GAL3ST4: variants seen among roughly 807,000 people sequenced by gnomAD.
GAL3ST4 encodes galactose-3-O-sulfotransferase 4, also known as beta-galactose-3-O-sulfotransferase 4.
A neutral mutation model predicts 31.6 loss-of-function variants in GAL3ST4; 30 were observed. That is an observed-to-expected ratio of 0.95 (90% CI 0.71 to 1.29). The LOEUF is 1.29. Among genes scored for constraint, GAL3ST4 ranks in the 50% most tolerant of loss-of-function variants. The probability of loss-of-function intolerance (pLI) is 0.00; values close to 1 mark genes in which losing one functional copy is unlikely to be tolerated. For synonymous variants in GAL3ST4, 248 were observed against 256.9 expected, an observed-to-expected ratio of 0.97 and a Z score of 0.33; for missense variants, 629 against 625.2, an observed-to-expected ratio of 1.01 and a Z score of -0.06.
rs116867043 is a variant in GAL3ST4, at chr7:100,166,573, G to C, written c.358C>G (p.Arg120Gly). Residue 120 changes from arginine (R) to glycine (G), a missense_variant, in exon 3 of 4, where the codon CGC becomes GGC. Transcript: ENST00000360039. Reference sequence around the variant, plus strand: ...AGCTGGGTGCCTCCACCCTGTGGGCGGTAGCCTTTTACCCTAGAGGCCTGG... The same window carrying C: ...AGCTGGGTGCCTCCACCCTGTGGGCCGTAGCCTTTTACCCTAGAGGCCTGG... ...LFQASRVKGYRPQGGGTQLPF... is the reference protein window; with the variant it reads ...LFQASRVKGYGPQGGGTQLPF... 2 of 1,614,184 alleles carry C rather than the reference G, an allele frequency of 1.2e-6. No homozygotes were observed. Among genetic ancestry groups the C allele is most frequent in the Admixed American group, 3.3e-5 (2 of 60,020 alleles).
intron 3 of GAL3ST4, among the ~76,000 whole-genome samples, chr7:100,162,644 G>A (rs1161706007): frequency 7.7e-6 from 1 of 129,562 alleles, no homozygotes; most frequent in African/African-American, 2.9e-5. Context: ...GAGGGAGAGG[G>A]GGAAGAGGAG....
chr7:100,164,679 C>A (rs528232243), intron 3 of GAL3ST4, among the ~76,000 whole-genome samples: 15 of 151,618 alleles, frequency 9.9e-5, no homozygotes, highest in Middle Eastern at 3.4e-3. Context: ...AAATAAAAAT[C>A]AAAATTAAAT....
chr7:100,167,362 A>C, intron 1 of GAL3ST4, 79 bp from the exon 2 acceptor site: 1 of 698,172 alleles, frequency 1.4e-6, no homozygotes, highest in Non-Finnish European at 2.2e-6. Flanking sequence ...TGCAGCTGAG[A>C]CCTCCTTCAG....
intron 3 of GAL3ST4, among the ~76,000 whole-genome samples, chr7:100,165,320 G>T (rs1039635744): frequency 1.3e-5 from 2 of 152,110 alleles, no homozygotes; most frequent in African/African-American, 4.8e-5. Flanking sequence ...ACAGGCGTGT[G>T]CCACCACGCC....
At chr7:100,163,220 G>T (rs544468687) in intron 3 of GAL3ST4, among the ~76,000 whole-genome samples, 3 of 152,168 alleles carry the variant, frequency 2.0e-5, no homozygotes, top group African/African-American at 7.2e-5. Context: ...AGCCACGGCT[G>T]CCTGGTAGGA....
At position 100,166,679 on chromosome 7, in the gene GAL3ST4, G is replaced by T; in HGVS notation, c.252C>A (p.Ser84Arg). ...THKSGSSSVL[S>R]LLHRYGDQHG... ...GCTGGTCCCCATAGCGGTGAAGCAG[G>T]CTCAGCACAGAGCTGCTCCCGGATT... The change falls in exon 3 of 4, where the codon AGC becomes AGA. Residue 84 changes from serine (S) to arginine (R), a missense_variant. By Grantham distance (110) the Ser-to-Arg change is moderately radical. Coordinates refer to ENST00000360039, the MANE Select transcript of GAL3ST4 (RefSeq NM_024637.5). 1 of 1,614,214 alleles carries T rather than the reference G, an allele frequency of 6.2e-7. No homozygotes were observed. Among genetic ancestry groups the T allele is most frequent in the Non-Finnish European group, 8.5e-7 (1 of 1,180,034 alleles).
Position 100,160,889 on chromosome 7 carries a change from G to A in GAL3ST4, c.500C>T (p.Ser167Phe). ...IVRDPAALAR[S>F]AFSYYKSTSS... is the part of the protein sequence containing the mutation. ...GGTGGATTTATAGTAGGAGAAGGCA[G>A]AGCGAGCCAGAGCCGCTGGGTCTCG... Residue 167 changes from serine to phenylalanine, a missense_variant, in exon 4 of 4, where the codon TCT becomes TTT. Physicochemically the swap from Ser to Phe is radical, Grantham distance 155. Transcript: ENST00000360039. 2 of 1,614,038 alleles carry A rather than the reference G, an allele frequency of 1.2e-6. No homozygotes were observed. Among genetic ancestry groups the A allele is most frequent in the East Asian group, 2.2e-5 (1 of 44,886 alleles).
At chr7:100,166,430 GC>G in intron 3 of GAL3ST4, 71 bp downstream of exon 3, 3 of 1,490,210 alleles carry the variant, frequency 2.0e-6, no homozygotes, top group South Asian at 1.3e-5. Context: ...CCAGGTCTGG[GC>G]CCCCTCCCTT....
intron 3 of GAL3ST4, among the ~76,000 whole-genome samples, chr7:100,163,155 A>C (rs1799028115): frequency 6.6e-6 from 1 of 152,186 alleles, no homozygotes; most frequent in Non-Finnish European, 1.5e-5. Context: ...AAAGCACTTC[A>C]GGGTCTCCTG....
In GAL3ST4 at chr7:100,159,350, C is replaced by T. The variant is rs1798956837; in HGVS notation, c.*578G>A. The T allele has an allele frequency of 6.5e-6, 1 of 152,918 alleles. No homozygotes were observed. The highest frequency in any genetic ancestry group is 2.4e-5 in the African/African-American group (1 of 41,440). 9.5% of individuals were successfully genotyped at this position (152,918 alleles called of 1,614,324 possible). ...GGACGTATCATTCCAACTCACCACG[C>T]CCCAAACTTCCTGTGGCTCACTCCA... On this transcript the variant is annotated 3_prime_UTR_variant, in exon 4 of 4. Coordinates refer to ENST00000360039, the MANE Select transcript of GAL3ST4 (RefSeq NM_024637.5).
chr7:100,166,632 G>C lies in GAL3ST4; in HGVS notation c.299C>G (p.Pro100Arg), dbSNP rs1170666208. Residue 100 changes from proline (P) to arginine (R), a missense_variant, in exon 3 of 4, where the codon CCT becomes CGT. Physicochemically the swap from Pro to Arg is moderately radical, Grantham distance 103. Coordinates refer to ENST00000360039, the MANE Select transcript of GAL3ST4 (RefSeq NM_024637.5). The part of the protein sequence containing the change: ...GDQHGLRFAL[P>R]ARYQFGYPKL... ...TGGGTAGCCAAACTGGTAGCGGGCA[G>C]GGAGGGCGAAGCGCAGCCCGTGCTG... 1.2e-6 allele frequency: 2 copies of C among 1,614,242 alleles called. No individual in the cohort carries two copies. The highest frequency in any genetic ancestry group is 1.7e-6 in the Non-Finnish European group (2 of 1,180,040).
intron 3 of GAL3ST4, among the ~76,000 whole-genome samples, chr7:100,162,810 T>C (rs929458975): frequency 1.5e-5 from 2 of 129,924 alleles, no homozygotes; most frequent in Non-Finnish European, 3.1e-5. Context: ...ATTCTGCACA[T>C]GTATCCCAGA....
intron 3 of GAL3ST4, among the ~76,000 whole-genome samples, chr7:100,163,941 G>A (rs201652292): frequency 2.6e-5 from 4 of 152,132 alleles, no homozygotes; most frequent in East Asian, 1.9e-4. Context: ...GACTTTGGGC[G>A]GGTTATTGAA....
chr7:100,167,125 A>G lies in GAL3ST4; in HGVS notation c.-30T>C, dbSNP rs2116975840. 3 of 1,552,178 alleles carry G rather than the reference A, an allele frequency of 1.9e-6. No individual in the cohort carries two copies. The East Asian group carries it at 7.3e-5, about 38-fold the overall frequency. The stretch of plus-strand genomic sequence containing the variant: ...CACAGGGAAGGGTGAGGTGACAGAG[A>G]GATGGAGCCAGGGCCAGGAAGAGGG... On this transcript the variant is annotated 5_prime_UTR_variant, in exon 2 of 4. Coordinates refer to ENST00000360039, the MANE Select transcript of GAL3ST4 (RefSeq NM_024637.5).
intron 3 of GAL3ST4, among the ~76,000 whole-genome samples, 161 bp downstream of exon 3, chr7:100,166,341 C>T (rs757279205): frequency 5.3e-5 from 8 of 152,206 alleles, no homozygotes; most frequent in Non-Finnish European, 7.4e-5. Context: ...GGAAGGGACA[C>T]CTGTAGAGAG....
At chr7:100,162,109 G>A (rs1248185716) in intron 3 of GAL3ST4, among the ~76,000 whole-genome samples, 5 of 152,108 alleles carry the variant, frequency 3.3e-5, no homozygotes, top group Non-Finnish European at 7.3e-5. Flanking sequence ...TTCTGCACAT[G>A]TATCCCAGAA....
intron 3 of GAL3ST4, among the ~76,000 whole-genome samples, chr7:100,162,015 T>C (rs1799011173): frequency 6.6e-6 from 1 of 152,132 alleles, no homozygotes; most frequent in Non-Finnish European, 1.5e-5. Context: ...ACCTAATGCC[T>C]GCAGGGCTTA....
rs2116968747 is a variant in GAL3ST4, at chr7:100,160,662, A to G, written c.727T>C (p.Leu243=). Residue 243 remains leucine, a synonymous_variant, in exon 4 of 4, where the codon TTG becomes CTG. Coordinates refer to ENST00000360039, the MANE Select transcript of GAL3ST4 (RefSeq NM_024637.5). ...RDPNPPQLQV[L]PSGAGPRAQT... ...GCTCGAGGGCCAGCACCAGAAGGCA[A>G]GACCTGCAGCTGTGGGGGGTTGGGG... 1 of 1,613,916 alleles carries G rather than the reference A, an allele frequency of 6.2e-7. No individual in the cohort carries two copies. The highest frequency in any genetic ancestry group is 2.2e-5 in the East Asian group (1 of 44,886).
chr7:100,159,891 C>A lies in GAL3ST4; in HGVS notation c.*37G>T. ...CCACTCATCACATGTGCCCTTCAAA[C>A]ATGGCTGCTCTTCCACCTAAATCTG... On this transcript the variant is annotated 3_prime_UTR_variant, in exon 4 of 4. Transcript: ENST00000360039. 1 of 1,528,728 alleles carries A rather than the reference C, an allele frequency of 6.5e-7. No individual in the cohort carries two copies. Among genetic ancestry groups the A allele is most frequent in the Non-Finnish European group, 8.9e-7 (1 of 1,125,650 alleles). 94.7% of individuals were successfully genotyped at this position (1,528,728 alleles called of 1,614,324 possible).
Sources: gnomAD v4.1 joint callset for allele counts (sites outside exome capture counted in the v4.1 genomes callset) on GRCh38, gnomAD v4.1.1 for gene constraint, MANE v1.5 for transcripts, NCBI Gene and HGNC (gene_info 2026-07-23, HGNC 2026-07-21) for gene names.